Variants in NUP98 observed in about 807,000 individuals in gnomAD.
NUP98 encodes nucleoporin 98 and 96 precursor.
Under a neutral mutation model 191.9 loss-of-function variants are expected in NUP98, and 26 were observed. That is an observed-to-expected ratio of 0.14 (90% CI 0.10 to 0.19). The LOEUF (loss-of-function observed/expected upper bound fraction) is 0.19. Among genes scored for constraint, NUP98 ranks in the 10% least tolerant of loss-of-function variants. The pLI is 1.00. For missense variants in NUP98, 1,941 were observed against 2,178.8 expected (o/e 0.89, Z 2.17); for synonymous variants, 808 against 778.4 (o/e 1.04, Z -0.63).
intron 13 of NUP98, among the ~76,000 whole-genome samples, chr11:3,732,231 G>T (rs1361524728): frequency 6.6e-6 from 1 of 152,134 alleles, no homozygotes; most frequent in African/African-American, 2.4e-5. Flanking sequence ...CTGGGTGACA[G>T]AGCGAGACTC....
At chr11:3,761,759 AAAAAAACAAAACAAAACAAAAC>A (rs1212589356) in intron 9 of NUP98, among the ~76,000 whole-genome samples, 2 of 151,988 alleles carry the variant, frequency 1.3e-5, no homozygotes, top group Non-Finnish European at 2.9e-5. Context: ...ACTCCGTCTC[AAAAAAACAAAACAAAACAAAAC>A]AAAAAACAAA....
At chr11:3,725,589 G>A (rs1357962055) in intron 14 of NUP98, among the ~76,000 whole-genome samples, 1 of 152,010 alleles carries the variant, frequency 6.6e-6, no homozygotes, top group Non-Finnish European at 1.5e-5. Flanking sequence ...TCTCTCTTTT[G>A]GCAGTACAAA....
At chr11:3,693,034 G>A in intron 27 of NUP98, 198 bp downstream of exon 27, 1 of 536,806 alleles carries the variant, frequency 1.9e-6, no homozygotes, top group Non-Finnish European at 3.3e-6. Flanking sequence ...TGATTTAGAG[G>A]CAGGAAAACA....
At chr11:3,770,547 TTGTGTGTGTGTG>T (rs34103771) in intron 7 of NUP98, among the ~76,000 whole-genome samples, 7 of 146,980 alleles carry the variant, frequency 4.8e-5, no homozygotes, top group Admixed American at 1.4e-4. Flanking sequence ...AAATACGTAT[TTGTGTGTGTGTG>T]TGTGTGTGTG....
At chr11:3,732,611 T>G (rs1365196256) in intron 13 of NUP98, among the ~76,000 whole-genome samples, 1 of 152,200 alleles carries the variant, frequency 6.6e-6, no homozygotes, top group East Asian at 1.9e-4. Flanking sequence ...TAAGTCAAAC[T>G]CTGGGTACCA....
chr11:3,707,107 G>A (rs1198984395), intron 20 of NUP98, among the ~76,000 whole-genome samples: 1 of 152,118 alleles, frequency 6.6e-6, no homozygotes, highest in African/African-American at 2.4e-5. Context: ...ACAATCTTGG[G>A]TCTGGAATTT....
At chr11:3,698,975 C>T in intron 25 of NUP98, 107 bp downstream of exon 25, 2 of 1,288,790 alleles carry the variant, frequency 1.6e-6, no homozygotes, top group Non-Finnish European at 2.2e-6. Flanking sequence ...GCAATTAATA[C>T]TCATAGGCTA....
intron 25 of NUP98, among the ~76,000 whole-genome samples, chr11:3,698,419 T>TA (rs1421458284): frequency 3.3e-5 from 5 of 151,960 alleles, no homozygotes; most frequent in African/African-American, 1.2e-4. Flanking sequence ...TTTAAGGTCC[T>TA]AAAAAAAGAA....
At position 3,683,376 on chromosome 11, in the gene NUP98, G is replaced by A. The variant is rs544780246; in HGVS notation, c.4742C>T (p.Ser1581Phe). 6 of 1,614,166 alleles carry A rather than the reference G, an allele frequency of 3.7e-6. No homozygotes were observed. The South Asian group carries it at 6.6e-5, about 18-fold the overall frequency. The change falls in exon 30 of 33, where the codon TCT becomes TTT. Residue 1581 changes from serine (S) to phenylalanine (F), a missense_variant. By Grantham distance (155) the Ser-to-Phe change is radical. Around this residue, in one of 6 missense-constraint regions of NUP98, gnomAD observed 1,030 missense variants for 1,115.8 expected, o/e 0.92. Coordinates refer to ENST00000324932, the MANE Select transcript of NUP98 (RefSeq NM_016320.5). The part of the protein sequence containing the change: ...RHCQLLETPE[S>F]WAKETFLTQK... Reference sequence around the variant, plus strand: ...GGTAAGGAAAGTCTCTTTAGCCCAAGATTCAGGGGTCTCCAACAGCTGGCA... The same window carrying A: ...GGTAAGGAAAGTCTCTTTAGCCCAAAATTCAGGGGTCTCCAACAGCTGGCA...
At chr11:3,763,137 T>C in intron 8 of NUP98, 98 bp from the exon 9 acceptor site, 2 of 1,091,488 alleles carry the variant, frequency 1.8e-6, no homozygotes, top group Non-Finnish European at 2.7e-6. Flanking sequence ...TTCAAGCTTA[T>C]ATGACAGATA....
chr11:3,698,220 A>G lies in NUP98; in HGVS notation c.4009+862T>C, dbSNP rs148295344. ...TATCACCTTTGAAAAGTTCACAAGC[A>G]TATGTCACAGTGTCTGGACATATTT... On this transcript the variant is annotated intron_variant, in intron 25 of 32. Coordinates refer to ENST00000324932, the MANE Select transcript of NUP98 (RefSeq NM_016320.5). 2.2e-4 allele frequency among the ~76,000 whole-genome samples: 33 copies of G among 152,358 alleles called. 1 individual carries two copies. Among genetic ancestry groups the G allele is most frequent in the African/African-American group, 6.0e-4 (25 of 41,580 alleles).
intron 14 of NUP98, 109 bp downstream of exon 14, chr11:3,731,282 A>C: frequency 1.3e-6 from 1 of 760,838 alleles, no homozygotes; most frequent in African/African-American, 1.8e-5. Flanking sequence ...AAACAAAAAC[A>C]AAGTGGACTG....
At chr11:3,769,991 C>T (rs547345108) in intron 7 of NUP98, among the ~76,000 whole-genome samples, 6 of 146,678 alleles carry the variant, frequency 4.1e-5, no homozygotes, top group Non-Finnish European at 9.0e-5. Context: ...TGCAGTGAGC[C>T]GAGATCACAC....
intron 13 of NUP98, among the ~76,000 whole-genome samples, chr11:3,734,235 C>T (rs1033806261): frequency 8.5e-5 from 13 of 152,158 alleles, no homozygotes; most frequent in Non-Finnish European, 1.9e-4. Context: ...GGGGTTTCAC[C>T]GTGTTGACCA....
Position 3,675,080 on chromosome 11 carries a change from G to A in NUP98, c.*1079C>T, listed in dbSNP as rs941157381. 5.6e-6 allele frequency: 1 copy of A among 178,492 alleles called. No individual in the cohort carries two copies. Among genetic ancestry groups the A allele is most frequent in the African/African-American group, 2.4e-5 (1 of 42,360 alleles). The allele number at this position is 178,492 out of a possible 1,614,324, so 11.1% of individuals were successfully genotyped here. A position where few individuals can be genotyped will look rare whatever the true frequency, so the allele number is the denominator to read the frequency against. ...CTTCAGAAAAAGAGGAAAATATCTA[G>A]ATCATTTATTTATACATATATATAT... On this transcript the variant is annotated 3_prime_UTR_variant, in exon 33 of 33. Coordinates refer to ENST00000324932, the MANE Select transcript of NUP98 (RefSeq NM_016320.5).
chr11:3,764,633 C>A (rs1447661416), intron 8 of NUP98, among the ~76,000 whole-genome samples: 1 of 152,206 alleles, frequency 6.6e-6, no homozygotes, highest in East Asian at 1.9e-4. Context: ...GGCTGGAGTG[C>A]AGTAGCACAA....
chr11:3,701,481 C>T lies in NUP98; in HGVS notation c.3513-642G>A, dbSNP rs1256979461. On this transcript the variant is annotated intron_variant, in intron 23 of 32. Coordinates refer to ENST00000324932, the MANE Select transcript of NUP98 (RefSeq NM_016320.5). ...TTTACCATGTTGGCCAGGCTGGTCT[C>T]GAACTCCTGACCTCAAGTGATCCTC... Among the ~76,000 whole-genome samples the T allele has an allele frequency of 2.0e-5, 3 of 151,756 alleles. No individual in the cohort carries two copies. In the East Asian group the frequency reaches 5.8e-4, roughly 29 times the overall value.
intron 9 of NUP98, 94 bp from the exon 10 acceptor site, chr11:3,760,720 G>A (rs933655117): frequency 1.5e-5 from 14 of 942,756 alleles, no homozygotes; most frequent in African/African-American, 1.3e-4. Flanking sequence ...GTTGGGTATG[G>A]GGTGGGAGAA....
At chr11:3,736,349 G>A (rs971217130) in intron 12 of NUP98, among the ~76,000 whole-genome samples, 10 of 152,142 alleles carry the variant, frequency 6.6e-5, no homozygotes, top group African/African-American at 1.7e-4. Context: ...AACAACCTAC[G>A]TGTCCAATAT....
Sources: allele counts gnomAD v4.1 joint callset (sites outside exome capture counted in the v4.1 genomes callset), GRCh38; gene constraint gnomAD v4.1.1; regional missense constraint gnomAD v4.1.1; transcripts MANE v1.5; gene names NCBI Gene and HGNC (gene_info 2026-07-23, HGNC 2026-07-21).